CD99L2: variants seen among roughly 807,000 people sequenced by gnomAD.
CD99L2 encodes the protein CD99 antigen-like protein 2.
CD99L2 carries 24 observed loss-of-function variants against 27.3 expected under a neutral mutation model. The observed-to-expected ratio is 0.88, with a 90% CI of 0.64 to 1.24. The LOEUF (loss-of-function observed/expected upper bound fraction) is 1.24, where lower values mean the gene tolerates loss of function less well. Among genes scored for constraint, CD99L2 ranks in the 50% most tolerant of loss-of-function variants. CD99L2 has a pLI of 0.00. For missense variants in CD99L2, 255 were observed against 221.6 expected, an observed-to-expected ratio of 1.15 and a Z score of -0.96; for synonymous variants, 97 against 87.9, an observed-to-expected ratio of 1.10 and a Z score of -0.58.
chrX:150,819,236 G>A (rs1340479562), intron 2 of CD99L2: 4 of 347,454 alleles, frequency 1.2e-5, no homozygotes, highest in Non-Finnish European at 2.2e-5. Context: ...GCCAAATATG[G>A]ACAACTCTAA....
intron 1 of CD99L2, among the ~76,000 whole-genome samples, chrX:150,850,392 C>T (rs781782780): frequency 1.8e-5 from 2 of 111,753 alleles, no homozygotes; most frequent in South Asian, 3.8e-4. Context: ...TAGTAGACCA[C>T]GTTTATCCCC....
chrX:150,787,707 G>A (rs2045616358), intron 7 of CD99L2, among the ~76,000 whole-genome samples: 1 of 90,441 alleles, frequency 1.1e-5, no homozygotes, highest in African/African-American at 4.0e-5. Flanking sequence ...AGAACACTTG[G>A]ACACAGGGTG....
intron 1 of CD99L2, among the ~76,000 whole-genome samples, chrX:150,880,263 C>A (rs923355808): frequency 5.3e-5 from 6 of 112,230 alleles, no homozygotes; most frequent in African/African-American, 1.9e-4. Context: ...CACAGCAGCA[C>A]CATTCATAGC....
intron 1 of CD99L2, among the ~76,000 whole-genome samples, chrX:150,895,826 G>A (rs782537492): frequency 9.1e-6 from 1 of 110,203 alleles, no homozygotes; most frequent in Non-Finnish European, 1.9e-5. Context: ...ACGGGATAGA[G>A]ACCATCCTGG....
At chrX:150,835,441 G>A (rs781865008) in intron 1 of CD99L2, among the ~76,000 whole-genome samples, 5 of 111,947 alleles carry the variant, frequency 4.5e-5, no homozygotes, top group African/African-American at 1.3e-4. Flanking sequence ...GAGGAAGGAG[G>A]ATCGCTGGAG....
chrX:150,862,238 A>C (rs2046991020), intron 1 of CD99L2, among the ~76,000 whole-genome samples: 1 of 112,159 alleles, frequency 8.9e-6, no homozygotes, highest in Non-Finnish European at 1.9e-5. Context: ...TTCCCATTCT[A>C]ACCCCCAGAG....
chrX:150,810,681 A>G (rs1190774523), intron 4 of CD99L2, among the ~76,000 whole-genome samples: 1 of 112,318 alleles, frequency 8.9e-6, no homozygotes, highest in Non-Finnish European at 1.9e-5. Context: ...TGGTTTTTGA[A>G]AAGATCAACA....
intron 4 of CD99L2, among the ~76,000 whole-genome samples, chrX:150,805,314 A>G (rs2045978865): frequency 9.0e-6 from 1 of 111,678 alleles, no homozygotes; most frequent in South Asian, 3.8e-4. Flanking sequence ...ACTGGTGGCC[A>G]GGGGCTGGGG....
At position 150,782,369 on chromosome X, in the gene CD99L2, C is replaced by T. The variant is rs1390017777; in HGVS notation, c.497-4887G>A. On this transcript the variant is annotated intron_variant, in intron 7 of 10. Transcript: ENST00000370377. Reference sequence around the variant, plus strand: ...TAGCCACTGGGGAGGGCACTCCTCACTGTTCCAGGAAGTCTCCAAGGCCCA... The same window carrying T: ...TAGCCACTGGGGAGGGCACTCCTCATTGTTCCAGGAAGTCTCCAAGGCCCA... 7.1e-5 allele frequency among the ~76,000 whole-genome samples: 8 copies of T among 111,938 alleles called. No individual in the cohort carries two copies. In the East Asian group the frequency reaches 2.2e-3, roughly 31 times the overall value.
intron 1 of CD99L2, among the ~76,000 whole-genome samples, chrX:150,854,572 G>A (rs1251038260): frequency 8.9e-6 from 1 of 111,743 alleles, no homozygotes; most frequent in Non-Finnish European, 1.9e-5. Flanking sequence ...AGGTAATCAA[G>A]TTAAAATGAA....
At chrX:150,886,658 C>T (rs1348829686) in intron 1 of CD99L2, among the ~76,000 whole-genome samples, 2 of 112,124 alleles carry the variant, frequency 1.8e-5, no homozygotes, top group Non-Finnish European at 3.8e-5. Flanking sequence ...CCACCCCCCA[C>T]CCCCTAGGGG....
chrX:150,827,816 G>A (rs1432638049), intron 2 of CD99L2, among the ~76,000 whole-genome samples: 2 of 111,589 alleles, frequency 1.8e-5, no homozygotes, highest in Non-Finnish European at 3.8e-5. Context: ...TTTGTGTATG[G>A]TGTGAGGTAA....
At chrX:150,855,093 C>T (rs782273289) in intron 1 of CD99L2, among the ~76,000 whole-genome samples, 1 of 112,171 alleles carries the variant, frequency 8.9e-6, no homozygotes, top group South Asian at 3.7e-4. Flanking sequence ...CATGCACAAT[C>T]ACTACTGACT....
chrX:150,817,923 A>AT (rs1168940429), intron 2 of CD99L2, among the ~76,000 whole-genome samples: 2 of 111,036 alleles, frequency 1.8e-5, no homozygotes, highest in Non-Finnish European at 3.8e-5. Flanking sequence ...AACAACAACC[A>AT]TAAGAGAGCT....
intron 1 of CD99L2, among the ~76,000 whole-genome samples, chrX:150,893,841 G>A (rs1342688918): frequency 5.5e-5 from 6 of 109,431 alleles, no homozygotes; most frequent in African/African-American, 1.7e-4. Flanking sequence ...TTAGCCTCCC[G>A]AGTAGCTGGG....
chrX:150,786,942 G>T (rs190053045), intron 7 of CD99L2, among the ~76,000 whole-genome samples: 124 of 111,998 alleles, frequency 1.1e-3, no homozygotes, highest in Non-Finnish European at 1.8e-3. Flanking sequence ...TTGTGGTTTT[G>T]ATTTGCATTT....
At chrX:150,858,452 C>T (rs1818989849) in intron 1 of CD99L2, among the ~76,000 whole-genome samples, 2 of 112,851 alleles carry the variant, frequency 1.8e-5, no homozygotes, top group African/African-American at 6.4e-5. Context: ...GCAAGGCAGA[C>T]CACAAAACAA....
chrX:150,837,994 G>A (rs2046559900), intron 1 of CD99L2, among the ~76,000 whole-genome samples: 1 of 112,311 alleles, frequency 8.9e-6, no homozygotes, highest in African/African-American at 3.2e-5. Flanking sequence ...CCTGAGCCGG[G>A]TGACCAAGGT....
intron 9 of CD99L2, among the ~76,000 whole-genome samples, 167 bp from the exon 10 acceptor site, chrX:150,770,536 AAG>A (rs1463596241): frequency 8.9e-6 from 1 of 112,585 alleles, no homozygotes; most frequent in Non-Finnish European, 1.9e-5. Flanking sequence ...TATCCGGATG[AAG>A]ACTGTTCGTC....
Sources: gnomAD v4.1 joint callset for allele counts (sites outside exome capture counted in the v4.1 genomes callset) on GRCh38, gnomAD v4.1.1 for gene constraint, MANE v1.5 for transcripts, NCBI Gene and HGNC (gene_info 2026-07-23, HGNC 2026-07-21) for gene names.